Variants in PARP8 observed in about 807,000 individuals in gnomAD.
PARP8 encodes poly(ADP-ribose) polymerase family member 8.
In PARP8, 51 loss-of-function variants were observed where a neutral mutation model predicts 124.1. The ratio of observed to expected loss-of-function variants is 0.41; its 90% CI spans 0.33 to 0.52. The LOEUF is 0.52. Ranked by LOEUF, PARP8 falls within the 20% of genes least tolerant of loss-of-function variation. PARP8 has a pLI of 0.21. For missense variants in PARP8, 860 were observed against 1,018.9 expected (o/e 0.84, Z 2.12); for synonymous variants, 391 against 361.5 (o/e 1.08, Z -0.93).
intron 10 of PARP8, among the ~76,000 whole-genome samples, chr5:50,791,089 C>G (rs1342901527): frequency 1.3e-5 from 2 of 152,102 alleles, no homozygotes; most frequent in Admixed American, 1.3e-4. Flanking sequence ...AATTTAGAAT[C>G]TAGGCCCCTT....
intron 2 of PARP8, among the ~76,000 whole-genome samples, chr5:50,702,262 G>T (rs969505992): frequency 2.6e-5 from 4 of 151,942 alleles, no homozygotes; most frequent in Admixed American, 2.6e-4. Context: ...TTACATCACA[G>T]TTGATCACAT....
At chr5:50,743,570 C>T (rs1437296865) in intron 2 of PARP8, among the ~76,000 whole-genome samples, 3 of 151,958 alleles carry the variant, frequency 2.0e-5, no homozygotes, top group Admixed American at 6.6e-5. Context: ...TTCTAGAAAG[C>T]TCCAGTGTGT....
At chr5:50,836,358 C>G (rs1342275111) in intron 25 of PARP8, among the ~76,000 whole-genome samples, 1 of 152,130 alleles carries the variant, frequency 6.6e-6, no homozygotes, top group East Asian at 1.9e-4. Context: ...AGAATCCAAA[C>G]AAGAAACAGA....
chr5:50,675,503 C>T (rs1750521268), intron 2 of PARP8, among the ~76,000 whole-genome samples: 2 of 152,146 alleles, frequency 1.3e-5, no homozygotes, highest in Non-Finnish European at 2.9e-5. Flanking sequence ...GACGGGAATT[C>T]ACCATATTGG....
chr5:50,739,083 A>G (rs1170483319), intron 2 of PARP8: 9 of 702,354 alleles, frequency 1.3e-5, no homozygotes, highest in African/African-American at 3.5e-5. Flanking sequence ...GAGACTTCCC[A>G]CAGGTATTGA....
chr5:50,700,932 A>T (rs1484135493), intron 2 of PARP8, among the ~76,000 whole-genome samples: 1 of 152,100 alleles, frequency 6.6e-6, no homozygotes, highest in East Asian at 1.9e-4. Context: ...AGCACTCCAG[A>T]TCCATCTGAG....
At chr5:50,688,949 C>T (rs1265889310) in intron 2 of PARP8, among the ~76,000 whole-genome samples, 1 of 151,778 alleles carries the variant, frequency 6.6e-6, no homozygotes. Flanking sequence ...GATAGTATCA[C>T]TGAGTACTGC....
chr5:50,752,949 A>G (rs1339165332), intron 3 of PARP8, among the ~76,000 whole-genome samples: 2 of 152,040 alleles, frequency 1.3e-5, no homozygotes, highest in Non-Finnish European at 2.9e-5. Flanking sequence ...ATCTATTGAA[A>G]TTTATTTCAT....
Position 50,744,661 on chromosome 5 carries a change from C to T in PARP8, c.147-5490C>T. On this transcript the variant is annotated intron_variant, in intron 2 of 25. Transcript: ENST00000281631. ...ATATTTGACTGACCTGAGTTTCTGGCAAAGCACCTCAATGTAATTAATTGT... is the reference window on the plus strand; with the variant it reads ...ATATTTGACTGACCTGAGTTTCTGGTAAAGCACCTCAATGTAATTAATTGT... 4.4e-6 allele frequency: 3 copies of T among 684,894 alleles called. No homozygotes were observed. The South Asian group carries it at 4.7e-5, about 11-fold the overall frequency. 42.4% of individuals were successfully genotyped at this position (684,894 alleles called of 1,614,324 possible).
chr5:50,844,351 AT>A lies in PARP8; in HGVS notation c.*2289del, dbSNP rs1022408332. The A allele has an allele frequency of 1.6e-4, 25 of 151,880 alleles. No individual in the cohort carries two copies. The highest frequency in any genetic ancestry group is 9.9e-4 in the Admixed American group (15 of 15,208). 9.4% of individuals were successfully genotyped at this position (151,880 alleles called of 1,614,324 possible). ...AAATATTCTAAGGAGAATCAATCTT[AT>A]TTTTTAATTGAACTTTTTGAAATTA... On this transcript the variant is annotated 3_prime_UTR_variant, in exon 26 of 26. Coordinates refer to ENST00000281631, the MANE Select transcript of PARP8 (RefSeq NM_024615.4).
At chr5:50,812,170 T>C (rs1744532418) in intron 14 of PARP8, among the ~76,000 whole-genome samples, 1 of 152,206 alleles carries the variant, frequency 6.6e-6, no homozygotes, top group South Asian at 2.1e-4. Context: ...ATCGCCACAC[T>C]GTCTTCCACA....
intron 2 of PARP8, among the ~76,000 whole-genome samples, chr5:50,691,562 C>T (rs1752500795): frequency 2.0e-5 from 3 of 152,294 alleles, no homozygotes; most frequent in Non-Finnish European, 4.4e-5. Context: ...GTTTCCTCAT[C>T]TTTACCCACT....
intron 2 of PARP8, among the ~76,000 whole-genome samples, chr5:50,742,126 AAGG>A (rs1383483211): frequency 6.6e-6 from 1 of 152,144 alleles, no homozygotes; most frequent in African/African-American, 2.4e-5. Flanking sequence ...TATTTTCTAG[AAGG>A]AGAACTTAGT....
In PARP8 at chr5:50,744,423, A is replaced by T. The variant is rs1758340141; in HGVS notation, c.147-5728A>T. On this transcript the variant is annotated intron_variant, in intron 2 of 25. Coordinates refer to ENST00000281631, the MANE Select transcript of PARP8 (RefSeq NM_024615.4). ...ATACAGGATTAGGTAGATATGGAGC[A>T]ACTGACAGCTGCTTTGGGAACTCCT... 2.0e-5 allele frequency among the ~76,000 whole-genome samples: 3 copies of T among 152,238 alleles called. No homozygotes were observed. In the South Asian group the frequency reaches 6.2e-4, roughly 31 times the overall value.
At chr5:50,818,347 G>C (rs149585116) in intron 15 of PARP8, among the ~76,000 whole-genome samples, 2,662 of 152,132 alleles carry the variant, frequency 0.017, 74 homozygotes, top group African/African-American at 0.061. Context: ...TCCTGCCTCA[G>C]CCTCTCTAGT....
Position 50,834,941 on chromosome 5 carries a change from A to C in PARP8, c.2388A>C (p.Ser796=). The part of the protein sequence containing the change: ...KCIALCEVIT[S]SDLHKHGEIW... ...TTTTCCACTTAACAGTGATCACCTC[A>C]TCTGACCTGCACAAACATGGAGAGA... Residue 796 remains serine (S), a synonymous_variant, in exon 25 of 26, where the codon TCA becomes TCC. Transcript: ENST00000281631. 1 of 1,613,210 alleles carries C rather than the reference A, an allele frequency of 6.2e-7. No homozygotes were observed. Among genetic ancestry groups the C allele is most frequent in the Non-Finnish European group, 8.5e-7 (1 of 1,179,410 alleles).
At chr5:50,776,824 A>G (rs1740086047) in intron 7 of PARP8, among the ~76,000 whole-genome samples, 1 of 152,350 alleles carries the variant, frequency 6.6e-6, no homozygotes, top group East Asian at 1.9e-4. Context: ...ACTTGAATAC[A>G]TAATAGACAT....
chr5:50,806,373 A>G (rs1357050220), intron 14 of PARP8, among the ~76,000 whole-genome samples: 3 of 151,980 alleles, frequency 2.0e-5, no homozygotes, highest in African/African-American at 7.2e-5. Context: ...TTGTGGTTTA[A>G]TTGTGGGCAA....
intron 2 of PARP8, among the ~76,000 whole-genome samples, chr5:50,747,154 GTTTGTTTTGTTTTTTT>G (rs1758648446): frequency 2.5e-5 from 3 of 121,918 alleles, no homozygotes; most frequent in African/African-American, 9.8e-5. Context: ...TTTTTTGTTT[GTTTGTTTTGTTTTTTT>G]TTTTTTTTTT....
Sources: gnomAD v4.1 joint callset for allele counts (sites outside exome capture counted in the v4.1 genomes callset) on GRCh38, gnomAD v4.1.1 for gene constraint, MANE v1.5 for transcripts, NCBI Gene and HGNC (gene_info 2026-07-23, HGNC 2026-07-21) for gene names.